TNKS: variants seen among roughly 807,000 people sequenced by gnomAD.
TNKS encodes the protein poly [ADP-ribose] polymerase tankyrase-1.
Under a neutral mutation model 135.8 loss-of-function variants are expected in TNKS, and 72 were observed. That is an observed-to-expected ratio of 0.53 (90% CI 0.44 to 0.64). The LOEUF (loss-of-function observed/expected upper bound fraction) is 0.64, where lower values mean the gene tolerates loss of function less well. Among genes scored for constraint, TNKS ranks in the 30% least tolerant of loss-of-function variants. TNKS has a pLI of 0.00. For missense variants in TNKS, 1,769 were observed against 1,674.0 expected, an observed-to-expected ratio of 1.06 and a Z score of -0.99; for synonymous variants, 849 against 649.3, an observed-to-expected ratio of 1.31 and a Z score of -4.68.
intron 6 of TNKS, among the ~76,000 whole-genome samples, chr8:9,705,247 G>C (rs1404810139): frequency 6.6e-6 from 1 of 152,122 alleles, no homozygotes; most frequent in Non-Finnish European, 1.5e-5. Flanking sequence ...TAAAAAAGCA[G>C]TTATGTCATT....
At chr8:9,708,539 T>C (rs767930708) in intron 9 of TNKS, 47 bp downstream of exon 9, 1 of 1,421,078 alleles carries the variant, frequency 7.0e-7, no homozygotes, top group Non-Finnish European at 9.3e-7. Context: ...AATAATAACG[T>C]AAGCACAAAA....
chr8:9,608,931 A>T (rs1342570391), intron 2 of TNKS, among the ~76,000 whole-genome samples: 1 of 152,156 alleles, frequency 6.6e-6, no homozygotes, highest in Admixed American at 6.5e-5. Flanking sequence ...CAATTTCATA[A>T]TCGGTTATGT....
At chr8:9,718,553 G>T (rs1454150007) in intron 11 of TNKS, among the ~76,000 whole-genome samples, 1 of 152,012 alleles carries the variant, frequency 6.6e-6, no homozygotes, top group Non-Finnish European at 1.5e-5. Context: ...AAATATTTCG[G>T]GCCAAGTGTC....
At chr8:9,579,915 T>C (rs1218010641) in intron 1 of TNKS, among the ~76,000 whole-genome samples, 3 of 152,238 alleles carry the variant, frequency 2.0e-5, no homozygotes, top group Admixed American at 2.0e-4. Flanking sequence ...GCACAGCACA[T>C]ATTAAGTGTT....
chr8:9,743,933 T>C (rs1281951813), intron 17 of TNKS, among the ~76,000 whole-genome samples: 5 of 152,196 alleles, frequency 3.3e-5, no homozygotes, highest in Non-Finnish European at 7.3e-5. Context: ...GATGAAATAA[T>C]AATCTGAGGT....
intron 3 of TNKS, among the ~76,000 whole-genome samples, chr8:9,632,681 G>C (rs1165924189): frequency 6.6e-6 from 1 of 152,098 alleles, no homozygotes; most frequent in East Asian, 1.9e-4. Flanking sequence ...ACATTTGCTT[G>C]TTTTCTTTTA....
intron 25 of TNKS, among the ~76,000 whole-genome samples, chr8:9,767,224 CAAAT>C (rs1807506328): frequency 6.6e-6 from 1 of 152,082 alleles, no homozygotes; most frequent in African/African-American, 2.4e-5. Flanking sequence ...TAATAGCAAA[CAAAT>C]GAATATTGGC....
intron 20 of TNKS, 68 bp downstream of exon 20, chr8:9,752,694 C>A: frequency 1.8e-6 from 2 of 1,088,084 alleles, no homozygotes; most frequent in Non-Finnish European, 2.7e-6. Context: ...TGCAGTGGTT[C>A]ACACCTTACT....
At chr8:9,608,115 A>C (rs769619691) in intron 2 of TNKS, among the ~76,000 whole-genome samples, 1 of 151,750 alleles carries the variant, frequency 6.6e-6, no homozygotes, top group Non-Finnish European at 1.5e-5. Context: ...TCATTTTTTT[A>C]CTTTTTGAAA....
chr8:9,774,107 G>A (rs1808095859), intron 26 of TNKS, among the ~76,000 whole-genome samples: 1 of 152,116 alleles, frequency 6.6e-6, no homozygotes, highest in African/African-American at 2.4e-5. Flanking sequence ...AAGAAAAATG[G>A]CTCTGATTAT....
At chr8:9,637,313 T>G (rs770720241) in intron 3 of TNKS, among the ~76,000 whole-genome samples, 1 of 152,210 alleles carries the variant, frequency 6.6e-6, no homozygotes. Context: ...ACAGACTGGT[T>G]CTGTGTACCA....
At position 9,615,667 on chromosome 8, in the gene TNKS, T is replaced by C; in HGVS notation, c.984T>C (p.Ala328=). 1 of 1,612,064 alleles carries C rather than the reference T, an allele frequency of 6.2e-7. No homozygotes were observed. Among genetic ancestry groups the C allele is most frequent in the South Asian group, 1.1e-5 (1 of 90,586 alleles). ...ACCTGGCAGATCCTTCAGCAAAAGC[T>C]GTCCTTACAGGTAAGAAGACAGAGA... ...ALDLADPSAK[A]VLTGEYKKDE... The change falls in exon 3 of 27, where the codon GCT becomes GCC. Residue 328 remains alanine, a synonymous_variant. Coordinates refer to ENST00000310430, the MANE Select transcript of TNKS (RefSeq NM_003747.3).
chr8:9,603,494 C>T (rs1054175387), intron 2 of TNKS, among the ~76,000 whole-genome samples: 3 of 152,186 alleles, frequency 2.0e-5, no homozygotes, highest in African/African-American at 7.2e-5. Context: ...AGTTACTAAC[C>T]ATTTTATTGC....
rs139420287 is a variant in TNKS, at chr8:9,770,205, T to C, written c.3840T>C (p.Gly1280=). Reference sequence around the variant, plus strand: ...CTCCAGGGCACCACTCAGTCATTGGTAGACCGAGCGTCAATGGGCTGGCAT... The same window carrying C: ...CTCCAGGGCACCACTCAGTCATTGGCAGACCGAGCGTCAATGGGCTGGCAT... ...HAPPGHHSVI[G]RPSVNGLAYA... The change falls in exon 26 of 27, where the codon GGT becomes GGC. Residue 1280 remains glycine, a synonymous_variant. Transcript: ENST00000310430. The C allele has an allele frequency of 6.8e-6, 11 of 1,613,356 alleles. No individual in the cohort carries two copies. The East Asian group carries it at 1.1e-4, about 16-fold the overall frequency.
At chr8:9,593,931 G>C (rs968652564) in intron 2 of TNKS, among the ~76,000 whole-genome samples, 1 of 151,938 alleles carries the variant, frequency 6.6e-6, no homozygotes, top group African/African-American at 2.4e-5. Flanking sequence ...CTGTCACCCA[G>C]GCTGGAGTGC....
At chr8:9,669,863 T>A (rs749003137) in intron 3 of TNKS, among the ~76,000 whole-genome samples, 1 of 152,138 alleles carries the variant, frequency 6.6e-6, no homozygotes, top group Non-Finnish European at 1.5e-5. Flanking sequence ...AAAGAAAATA[T>A]TATCCAAGGA....
intron 11 of TNKS, among the ~76,000 whole-genome samples, chr8:9,715,226 A>G (rs983750736): frequency 1.3e-5 from 2 of 152,154 alleles, no homozygotes; most frequent in Non-Finnish European, 2.9e-5. Context: ...AAGCAGAGAT[A>G]TATCTCAGTT....
rs547152363 is a variant in TNKS, at chr8:9,584,243, C to T, written c.898+3860C>T. ...TTTTTCATTTTGACTAATTAGTATC[C>T]AATTCTTTTTCTGATTTTGGAGATT... On this transcript the variant is annotated intron_variant, in intron 2 of 26. Transcript: ENST00000310430. 4.7e-5 allele frequency among the ~76,000 whole-genome samples: 7 copies of T among 149,444 alleles called. No homozygotes were observed. The East Asian group carries it at 1.4e-3, about 29-fold the overall frequency.
intron 2 of TNKS, among the ~76,000 whole-genome samples, chr8:9,593,413 C>T (rs187800528): frequency 2.0e-5 from 3 of 152,286 alleles, no homozygotes; most frequent in Admixed American, 2.0e-4. Context: ...CAGTGGGCTT[C>T]ATTTAAGAAT....
Sources: gnomAD v4.1 joint callset for allele counts (sites outside exome capture counted in the v4.1 genomes callset) on GRCh38, gnomAD v4.1.1 for gene constraint, MANE v1.5 for transcripts, NCBI Gene and HGNC (gene_info 2026-07-23, HGNC 2026-07-21) for gene names.